Variants in RNF168 observed in about 807,000 individuals in gnomAD.
RNF168 encodes ring finger protein 168, also known as E3 ubiquitin-protein ligase RNF168.
In RNF168, 34 loss-of-function variants were observed where a neutral mutation model predicts 34.9. That is an observed-to-expected ratio of 0.97 (90% CI 0.74 to 1.30). RNF168 has a LOEUF of 1.30. Ranked by LOEUF, RNF168 falls within the 50% of genes most tolerant of loss-of-function variation. The probability of loss-of-function intolerance (pLI) is 0.00; values close to 1 mark genes in which losing one functional copy is unlikely to be tolerated. For synonymous variants in RNF168, 264 were observed against 254.7 expected (o/e 1.04, Z -0.35); for missense variants, 725 against 682.5 (o/e 1.06, Z -0.69).
At chr3:196,487,622 G>A in intron 2 of RNF168, 44 bp from the exon 3 acceptor site, 1 of 1,546,062 alleles carries the variant, frequency 6.5e-7, no homozygotes, top group Non-Finnish European at 8.9e-7. Flanking sequence ...TGAACGTTTT[G>A]GTATACTTGC....
rs1732023314 is a variant in RNF168 at position 196,472,163 on chromosome 3, C to A, written c.1372G>T (p.Asp458Tyr). Residue 458 changes from aspartate (D) to tyrosine (Y), a missense_variant, in exon 6 of 6, where the codon GAT becomes TAT. Asp to Tyr is a radical substitution (Grantham distance 160). Coordinates refer to ENST00000318037, the MANE Select transcript of RNF168 (RefSeq NM_152617.4). ...CGGTTTGGCACCATTTGCTCTTTAT[C>A]CACCTCCTTCTGAAGTTGTAATGCC... ...LLALQLQKEV[D>Y]KEQMVPNRQK... 1 of 1,613,998 alleles carries A rather than the reference C, an allele frequency of 6.2e-7. No homozygotes were observed. The highest frequency in any genetic ancestry group is 1.3e-5 in the African/African-American group (1 of 74,902).
At chr3:196,486,787 A>G (rs967076180) in intron 3 of RNF168, among the ~76,000 whole-genome samples, 19 of 152,214 alleles carry the variant, frequency 1.2e-4, no homozygotes, top group African/African-American at 4.6e-4. Flanking sequence ...AAAAGTTGTT[A>G]AACAACTTGC....
chr3:196,486,480 C>T (rs1026629456), intron 3 of RNF168, among the ~76,000 whole-genome samples: 6 of 151,788 alleles, frequency 4.0e-5, no homozygotes, highest in Non-Finnish European at 7.4e-5. Context: ...GCTCCAGGCA[C>T]GCACCATCAC....
intron 4 of RNF168, among the ~76,000 whole-genome samples, chr3:196,482,968 A>C (rs1047136415): frequency 6.6e-6 from 1 of 152,092 alleles, no homozygotes; most frequent in Non-Finnish European, 1.5e-5. Context: ...ATATATTTAG[A>C]TATATAAAGA....
At chr3:196,492,059 G>A (rs1047867862) in intron 1 of RNF168, among the ~76,000 whole-genome samples, 4 of 152,188 alleles carry the variant, frequency 2.6e-5, no homozygotes, top group Admixed American at 6.5e-5. Context: ...ATGAATGGTG[G>A]TGACGGCTGC....
At chr3:196,472,850 C>T in intron 5 of RNF168, 78 bp from the exon 6 acceptor site, 1 of 811,994 alleles carries the variant, frequency 1.2e-6, no homozygotes, top group Non-Finnish European at 2.2e-6. Context: ...TACACTGATA[C>T]TACAGCTGGA....
At chr3:196,489,076 G>A (rs1732529852) in intron 1 of RNF168, among the ~76,000 whole-genome samples, 1 of 152,068 alleles carries the variant, frequency 6.6e-6, no homozygotes, top group South Asian at 2.1e-4. Context: ...GGCTGGTCTC[G>A]AGCTCCTGAC....
chr3:196,488,339 A>G (rs1001161679), intron 2 of RNF168, among the ~76,000 whole-genome samples: 23 of 152,038 alleles, frequency 1.5e-4, no homozygotes, highest in African/African-American at 4.1e-4. Flanking sequence ...AAAATTAGCC[A>G]GGCGTAGTGG....
chr3:196,502,913 C>A lies in RNF168; in HGVS notation c.261G>T (p.Glu87Asp). The A allele has an allele frequency of 1.2e-6, 2 of 1,614,114 alleles. No individual in the cohort carries two copies. Among genetic ancestry groups the A allele is most frequent in the South Asian group, 2.2e-5 (2 of 91,078 alleles). The change falls in exon 1 of 6, where the codon GAG becomes GAT. Residue 87 changes from glutamate to aspartate, a missense_variant. Coordinates refer to ENST00000318037, the MANE Select transcript of RNF168 (RefSeq NM_152617.4). Reference protein sequence around the residue: ...WTIIQKHYPRECKLRASGQES... With the variant: ...WTIIQKHYPRDCKLRASGQES... ...CTTGGCCAGACGCTCTAAGCTTGCA[C>A]TCCCTGGGATAGTGTTTTTGAATTA...
intron 3 of RNF168, among the ~76,000 whole-genome samples, chr3:196,485,381 C>T (rs1732398383): frequency 6.6e-6 from 1 of 151,974 alleles, no homozygotes; most frequent in Non-Finnish European, 1.5e-5. Context: ...GGTGGCGGCA[C>T]CTGTAATCCC....
intron 3 of RNF168, among the ~76,000 whole-genome samples, chr3:196,484,816 C>T (rs879889016): frequency 6.6e-6 from 1 of 151,994 alleles, no homozygotes; most frequent in African/African-American, 2.4e-5. Context: ...CCATGCCCAG[C>T]TACTTTTTTT....
intron 4 of RNF168, among the ~76,000 whole-genome samples, chr3:196,477,679 C>T (rs1187470495): frequency 6.6e-6 from 1 of 152,164 alleles, no homozygotes; most frequent in African/African-American, 2.4e-5. Flanking sequence ...CGTTCATAAG[C>T]AGAGAACAGA....
chr3:196,478,996 C>T (rs764773126), intron 4 of RNF168, among the ~76,000 whole-genome samples: 5 of 148,620 alleles, frequency 3.4e-5, no homozygotes, highest in African/African-American at 7.5e-5. Flanking sequence ...TGTGAGCCAC[C>T]GCACCTGGCC....
chr3:196,487,215 A>T (rs891255355), intron 3 of RNF168, among the ~76,000 whole-genome samples, 184 bp downstream of exon 3: 2 of 152,208 alleles, frequency 1.3e-5, no homozygotes, highest in African/African-American at 2.4e-5. Flanking sequence ...TCGGAATGTT[A>T]ATAGTTAGCT....
chr3:196,499,128 CAA>C (rs1008828276), intron 1 of RNF168, among the ~76,000 whole-genome samples: 4 of 151,856 alleles, frequency 2.6e-5, no homozygotes, highest in African/African-American at 9.7e-5. Flanking sequence ...GGAGTTCATA[CAA>C]AGAGTACAGA....
intron 1 of RNF168, among the ~76,000 whole-genome samples, chr3:196,494,123 C>G (rs977906879): frequency 5.3e-5 from 8 of 152,066 alleles, no homozygotes; most frequent in African/African-American, 1.9e-4. Context: ...ACTGAGATTA[C>G]AGGTGTGAGC....
chr3:196,471,951 C>T lies in RNF168; in HGVS notation c.1584G>A (p.Lys528=). Reference sequence around the variant, plus strand: ...GCATCTTTCTTCTATTAACTGACTGCTTCAACTGCATCTTTAAAGACACTT... The same window carrying T: ...GCATCTTTCTTCTATTAACTGACTGTTTCAACTGCATCTTTAAAGACACTT... The part of the protein sequence containing the change: ...NRQVSLKMQL[K]QSVNRRKMPN... Residue 528 remains lysine, a synonymous_variant, in exon 6 of 6, where the codon AAG becomes AAA. Transcript: ENST00000318037. The T allele has an allele frequency of 6.2e-7, 1 of 1,614,086 alleles. No individual in the cohort carries two copies. The highest frequency in any genetic ancestry group is 1.1e-5 in the South Asian group (1 of 91,090).
At chr3:196,499,180 AAGAG>A (rs1026686936) in intron 1 of RNF168, among the ~76,000 whole-genome samples, 1 of 152,138 alleles carries the variant, frequency 6.6e-6, no homozygotes, top group Admixed American at 6.5e-5. Context: ...GTAAAAAAAA[AAGAG>A]AGAGACACAG....
At chr3:196,488,970 G>T (rs1577517443) in intron 1 of RNF168, among the ~76,000 whole-genome samples, 1 of 143,586 alleles carries the variant, frequency 7.0e-6, no homozygotes, top group East Asian at 1.9e-4. Context: ...TCCTGCCTCA[G>T]CCTTCTCCTG....
Sources: allele counts gnomAD v4.1 joint callset (sites outside exome capture counted in the v4.1 genomes callset), GRCh38; gene constraint gnomAD v4.1.1; transcripts MANE v1.5; gene names NCBI Gene and HGNC (gene_info 2026-07-23, HGNC 2026-07-21).